STMN1: variants seen among roughly 807,000 people sequenced by gnomAD.
STMN1 encodes the protein stathmin.
In STMN1, 3 loss-of-function variants were observed where a neutral mutation model predicts 19.7. The observed-to-expected ratio is 0.15, with a 90% CI of 0.07 to 0.39. The LOEUF (loss-of-function observed/expected upper bound fraction) is 0.39. STMN1 is among the 10% of genes least tolerant of loss of function. The pLI, the probability that STMN1 is intolerant of heterozygous loss-of-function variation, is 1.00. For missense variants in STMN1, 99 were observed against 176.0 expected (o/e 0.56, Z 2.48); for synonymous variants, 59 against 58.9 (o/e 1.00, Z -0.01).
downstream of STMN1, among the ~76,000 whole-genome samples, chr1:25,898,317 C>G (rs1309694554): frequency 6.6e-6 from 1 of 152,160 alleles, no homozygotes; most frequent in Non-Finnish European, 1.5e-5. Context: ...AGGACAAGCT[C>G]ATGTCCTTTC....
chr1:25,888,285 C>T (rs983620439), intron 4 of STMN1, among the ~76,000 whole-genome samples: 4 of 152,092 alleles, frequency 2.6e-5, no homozygotes, highest in African/African-American at 4.8e-5. Flanking sequence ...ATGCCATGCC[C>T]GACCACCATC....
At chr1:25,884,447 A>G (rs1046149105), downstream of STMN1, 6 of 152,212 alleles carry the variant, frequency 3.9e-5, no homozygotes, top group African/African-American at 1.4e-4. Context: ...CTGTAATCCC[A>G]GCACTTTGGG....
At chr1:25,892,374 G>A (rs1442963689) in intron 4 of STMN1, 2 of 315,712 alleles carry the variant, frequency 6.3e-6, no homozygotes, top group African/African-American at 4.8e-5. Flanking sequence ...GGGAGACAGA[G>A]CAAGACTTTT....
chr1:25,899,870 A>AT (rs917803139), downstream of STMN1, among the ~76,000 whole-genome samples: 28 of 152,212 alleles, frequency 1.8e-4, no homozygotes, highest in Non-Finnish European at 2.9e-5. Context: ...ATCTTTTGCT[A>AT]TAAGTGCTTG....
chr1:25,891,653 C>T (rs1442836645), intron 4 of STMN1, among the ~76,000 whole-genome samples: 1 of 152,162 alleles, frequency 6.6e-6, no homozygotes, highest in African/African-American at 2.4e-5. Flanking sequence ...GAAAGAAAGG[C>T]CAAAGACCCA....
downstream of STMN1, chr1:25,900,015 ACAGCCTCTGGATACAAGATGAC>A (rs2048853315): frequency 1.1e-6 from 1 of 887,384 alleles, no homozygotes; most frequent in African/African-American, 1.8e-5. Flanking sequence ...GGGGACTATT[ACAGCCTCTGGATACAAGATGAC>A]GTATCTGCCA....
rs578151970 is a variant in STMN1, at chr1:25,901,288, C to T, written c.379-201G>A. On this transcript the variant is annotated intron_variant, in intron 4 of 4. Transcript: ENST00000455785. ...GTCCCTTGTAGAACCTAACAAGCTG[C>T]CTACTGGACTTCCAAGGACTGTGCA... is the stretch of plus-strand genomic sequence containing the variant. 22 of 1,150,048 alleles carry T rather than the reference C, an allele frequency of 1.9e-5. No homozygotes were observed. The African/African-American group carries it at 2.0e-4, about 11-fold the overall frequency. 71.2% of individuals were successfully genotyped at this position (1,150,048 alleles called of 1,614,324 possible).
intron 4 of STMN1, among the ~76,000 whole-genome samples, chr1:25,890,509 TTTGA>T (rs1211462155): frequency 1.3e-5 from 2 of 152,198 alleles, no homozygotes; most frequent in African/African-American, 4.8e-5. Context: ...GAAACTGACC[TTTGA>T]TTATCTGCAC....
intron 4 of STMN1, among the ~76,000 whole-genome samples, chr1:25,894,023 T>A (rs1263381658): frequency 6.6e-6 from 1 of 152,188 alleles, no homozygotes; most frequent in African/African-American, 2.4e-5. Context: ...CAGGAATTCA[T>A]CCTGGGCCTG....
At chr1:25,885,789 G>C in exon 5 of STMN1, 1 of 1,551,724 alleles carries the variant, frequency 6.4e-7, no homozygotes, top group South Asian at 1.2e-5. Context: ...CTGGGCAAAG[G>C]GCAGGAACAG....
chr1:25,889,621 C>T (rs957319531), intron 4 of STMN1, among the ~76,000 whole-genome samples: 9 of 151,940 alleles, frequency 5.9e-5, no homozygotes, highest in Non-Finnish European at 1.0e-4. Context: ...CTGTCCAAGC[C>T]ACTCTCATCT....
In STMN1 at chr1:25,903,794, C is replaced by A; in HGVS notation, c.33G>T (p.Leu11=). The part of the protein sequence containing the change: MASSDIQVKE[L]EKRASGQAFE... ...AAGCCTGGCCTGAGGCACGCTTCTCCAGTTCTTTCACCTGGATATCTAGAA... is the reference window on the plus strand; with the variant it reads ...AAGCCTGGCCTGAGGCACGCTTCTCAAGTTCTTTCACCTGGATATCTAGAA... Residue 11 remains leucine (L), a synonymous_variant, in exon 3 of 5, where the codon CTG becomes CTT. Transcript: ENST00000455785. 1 of 1,607,956 alleles carries A rather than the reference C, an allele frequency of 6.2e-7. No individual in the cohort carries two copies. Among genetic ancestry groups the A allele is most frequent in the African/African-American group, 1.3e-5 (1 of 74,532 alleles).
At chr1:25,889,292 C>A (rs957456634) in intron 4 of STMN1, among the ~76,000 whole-genome samples, 1 of 152,118 alleles carries the variant, frequency 6.6e-6, no homozygotes, top group East Asian at 1.9e-4. Context: ...ATATGTGAGA[C>A]CTTTCATTTC....
chr1:25,895,623 T>G (rs2048812995), downstream of STMN1, among the ~76,000 whole-genome samples: 1 of 152,208 alleles, frequency 6.6e-6, no homozygotes, highest in Non-Finnish European at 1.5e-5. Context: ...GGCCGCTGGG[T>G]GGGACTGCAA....
chr1:25,888,669 A>G (rs987411693), intron 4 of STMN1, among the ~76,000 whole-genome samples: 22 of 152,324 alleles, frequency 1.4e-4, no homozygotes, highest in African/African-American at 5.3e-4. Context: ...GCTCAAAAAC[A>G]GTGGCTTAAA....
At chr1:25,891,737 CTG>C (rs1049184147) in intron 4 of STMN1, among the ~76,000 whole-genome samples, 2 of 152,200 alleles carry the variant, frequency 1.3e-5, no homozygotes, top group African/African-American at 2.4e-5. Flanking sequence ...GTGCAGCAGG[CTG>C]TGAGCCCCCT....
At chr1:25,896,191 C>T (rs1236366218), downstream of STMN1, among the ~76,000 whole-genome samples, 1 of 152,178 alleles carries the variant, frequency 6.6e-6, no homozygotes, top group Admixed American at 6.5e-5. Flanking sequence ...AGGTAAATCC[C>T]CTAATCTAGG....
chr1:25,896,435 C>T (rs961054437), downstream of STMN1, among the ~76,000 whole-genome samples: 3 of 152,034 alleles, frequency 2.0e-5, no homozygotes, highest in South Asian at 6.2e-4. Context: ...AGCTCCAGGC[C>T]CAGGAGAGGC....
At chr1:25,885,690 T>C (rs1487630524) in exon 5 of STMN1, 3 of 1,539,410 alleles carry the variant, frequency 1.9e-6, no homozygotes, top group Non-Finnish European at 8.8e-7. Flanking sequence ...TCAAGGTCAT[T>C]GCTATCATCA....
Sources: allele counts gnomAD v4.1 joint callset (sites outside exome capture counted in the v4.1 genomes callset), GRCh38; gene constraint gnomAD v4.1.1; transcripts MANE v1.5; gene names NCBI Gene and HGNC (gene_info 2026-07-23, HGNC 2026-07-21).